Variants in GRIN2C observed in about 807,000 individuals in gnomAD.
GRIN2C encodes glutamate receptor ionotropic, NMDA 2C.
A neutral mutation model predicts 77.7 loss-of-function variants in GRIN2C; 64 were observed. That is an observed-to-expected ratio of 0.82 (90% CI 0.67 to 1.01). The LOEUF (loss-of-function observed/expected upper bound fraction) is 1.01, where lower values mean the gene tolerates loss of function less well. GRIN2C is among the 50% of genes least tolerant of loss of function. The pLI, the probability that GRIN2C is intolerant of heterozygous loss-of-function variation, is 0.00. For synonymous variants in GRIN2C, 792 were observed against 643.4 expected, an observed-to-expected ratio of 1.23 and a Z score of -3.49; for missense variants, 1,549 against 1,486.0, an observed-to-expected ratio of 1.04 and a Z score of -0.70.
intron 2 of GRIN2C, 53 bp downstream of exon 2, chr17:74,854,641 C>G (rs1391403564): frequency 2.0e-6 from 3 of 1,517,796 alleles, no homozygotes; most frequent in East Asian, 4.6e-5. Context: ...CACCCCCGAC[C>G]CCAGCCTGGT....
At chr17:74,860,304 G>A (rs533721986), upstream of GRIN2C, 186 of 391,818 alleles carry the variant, frequency 4.7e-4, 1 homozygote, top group South Asian at 3.1e-3. Context: ...CCTGTGGCCC[G>A]GGGTCAGGGA....
chr17:74,843,690 T>A, intron 12 of GRIN2C, 137 bp from the exon 13 acceptor site: 1 of 1,187,172 alleles, frequency 8.4e-7, no homozygotes, highest in South Asian at 1.5e-5. Flanking sequence ...GCATCTCCCA[T>A]GCGCCAGGCA....
chr17:74,842,888 G>C lies in GRIN2C; in HGVS notation c.3249C>G (p.Pro1083=), dbSNP rs2037335616. 2 of 571,544 alleles carry C rather than the reference G, an allele frequency of 3.5e-6. No homozygotes were observed. The highest frequency in any genetic ancestry group is 6.1e-6 in the Non-Finnish European group (2 of 327,324). 35.4% of individuals were successfully genotyped at this position (571,544 alleles called of 1,614,324 possible). ...GAGCGAAGGCCTCGGCCACGGAGCT[G>C]GGCAGGGAAGCGTGACGCGGGCGCG... The part of the protein sequence containing the change: ...RGSRPRHASL[P]SSVAEAFARP... The change falls in exon 13 of 13, where the codon CCC becomes CCG. Residue 1083 remains proline (P), a synonymous_variant. Transcript: ENST00000293190.
chr17:74,849,968 G>A lies in GRIN2C; in HGVS notation c.1492-35C>T. 1 of 1,596,592 alleles carries A rather than the reference G, an allele frequency of 6.3e-7. No individual in the cohort carries two copies. Among genetic ancestry groups the A allele is most frequent in the Non-Finnish European group, 8.5e-7 (1 of 1,172,832 alleles). ...GGACGCCACGGAGGTTTGAAAAAGG[G>A]GCTCCCGTGGGGTGGACACGCTGCA... On this transcript the variant is annotated intron_variant, in intron 6 of 12. Coordinates refer to ENST00000293190, the MANE Select transcript of GRIN2C (RefSeq NM_000835.6). This position sits in a 1 kb window ranked among gnomAD's most constrained non-coding sequence, Gnocchi z 4.6.
At position 74,844,168 on chromosome 17, in the gene GRIN2C, G is replaced by A. The variant is rs531227737; in HGVS notation, c.2583+108C>T. 1.3e-4 allele frequency: 193 copies of A among 1,512,930 alleles called. 1 individual carries two copies. Among genetic ancestry groups the A allele is most frequent in the South Asian group, 5.4e-4 (41 of 76,344 alleles). The allele number at this position is 1,512,930 out of a possible 1,614,324, so 93.7% of individuals were successfully genotyped here. A position where few individuals can be genotyped will look rare whatever the true frequency, so the allele number is the denominator to read the frequency against. On this transcript the variant is annotated intron_variant, in intron 12 of 12. Transcript: ENST00000293190. ...AGATTACAGGTGTGAGCCATGAGCCGGGCCAGAACCTTGGTTTTACCTCTG... is the reference window on the plus strand; with the variant it reads ...AGATTACAGGTGTGAGCCATGAGCCAGGCCAGAACCTTGGTTTTACCTCTG...
At chr17:74,855,957 C>T (rs1251096139) in intron 1 of GRIN2C, among the ~76,000 whole-genome samples, 3 of 152,238 alleles carry the variant, frequency 2.0e-5, no homozygotes, top group East Asian at 3.8e-4. Flanking sequence ...TCAGGGGTAC[C>T]GGAAAACCCA....
chr17:74,852,240 C>G lies in GRIN2C; in HGVS notation c.771G>C (p.Leu257=). ...GGGGCGCATCGGTGCTGCCCAGCGC[C>G]AGGTTGGGCACCAGCCACACGTGGC... is the stretch of plus-strand genomic sequence containing the variant. ...GPGHVWLVPN[L]ALGSTDAPPA... is the part of the protein sequence containing the mutation. The change falls in exon 3 of 13, where the codon CTG becomes CTC. Residue 257 remains leucine (L), a synonymous_variant. Coordinates refer to ENST00000293190, the MANE Select transcript of GRIN2C (RefSeq NM_000835.6). 1 of 1,406,182 alleles carries G rather than the reference C, an allele frequency of 7.1e-7. No individual in the cohort carries two copies. The highest frequency in any genetic ancestry group is 9.2e-7 in the Non-Finnish European group (1 of 1,084,442). 87.1% of individuals were successfully genotyped at this position (1,406,182 alleles called of 1,614,324 possible). A position where few individuals can be genotyped will look rare whatever the true frequency, so the allele number is the denominator to read the frequency against.
intron 12 of GRIN2C, among the ~76,000 whole-genome samples, chr17:74,843,874 CT>C (rs60038024): frequency 3.1e-3 from 435 of 139,604 alleles, no homozygotes; most frequent in Admixed American, 4.6e-3. Flanking sequence ...AGGACGTTGG[CT>C]TTTTTTTTTT....
At chr17:74,857,281 T>A (rs2037843520) in intron 1 of GRIN2C, among the ~76,000 whole-genome samples, 1 of 152,148 alleles carries the variant, frequency 6.6e-6, no homozygotes. Flanking sequence ...GGGTTCTCAT[T>A]CCCAAGAGAG....
Position 74,842,464 on chromosome 17 carries a change from G to C in GRIN2C, c.3673C>G (p.Arg1225Gly), listed in dbSNP as rs200343256. ...QGFPGPCTWRRISSLESEV is the reference protein window; with the variant it reads ...QGFPGPCTWRGISSLESEV Reference sequence around the variant, plus strand: ...ACTTCTGACTCCAGACTGGAGATCCGTCTCCAGGTGCAGGGTCCCGGGAAG... The same window carrying C: ...ACTTCTGACTCCAGACTGGAGATCCCTCTCCAGGTGCAGGGTCCCGGGAAG... Residue 1225 changes from arginine (R) to glycine (G), a missense_variant, in exon 13 of 13, where the codon CGG becomes GGG. Coordinates refer to ENST00000293190, the MANE Select transcript of GRIN2C (RefSeq NM_000835.6). The C allele has an allele frequency of 4.9e-5, 38 of 776,388 alleles. No homozygotes were observed. Among genetic ancestry groups the C allele is most frequent in the Non-Finnish European group, 7.9e-5 (33 of 416,846 alleles). 48.1% of individuals were successfully genotyped at this position (776,388 alleles called of 1,614,324 possible).
rs3826315 is a variant in GRIN2C, at chr17:74,847,700, C to G, written c.1771+152G>C. ...GTGAAGTGAGCTCACGTGTGTGTTT[C>G]TGTGTGTGTGTGTCATCTGACTGGC... On this transcript the variant is annotated intron_variant, in intron 8 of 12. Coordinates refer to ENST00000293190, the MANE Select transcript of GRIN2C (RefSeq NM_000835.6). The surrounding 1 kb of genome is among the most constrained non-coding windows in gnomAD (Gnocchi z 5.2). 0.29 allele frequency: 244,784 copies of G among 851,112 alleles called. 36,705 individuals are homozygous for G. Among genetic ancestry groups the G allele is most frequent in the East Asian group, 0.43 (16,175 of 37,744 alleles). The allele number at this position is 851,112 out of a possible 1,614,324, so 52.7% of individuals were successfully genotyped here. A position where few individuals can be genotyped will look rare whatever the true frequency, so the allele number is the denominator to read the frequency against.
chr17:74,848,538 A>T (rs1056320756), intron 7 of GRIN2C, among the ~76,000 whole-genome samples: 3 of 151,982 alleles, frequency 2.0e-5, no homozygotes, highest in African/African-American at 7.3e-5. Context: ...TGTCTCTACT[A>T]AAAATACAAA....
intron 11 of GRIN2C, 101 bp from the exon 12 acceptor site, chr17:74,844,609 AG>A: frequency 6.7e-7 from 1 of 1,496,794 alleles, no homozygotes; most frequent in South Asian, 1.3e-5. Flanking sequence ...GATCTGGGGC[AG>A]GGTGCCACCC....
At chr17:74,854,368 G>A (rs981060752) in intron 2 of GRIN2C, 6 of 273,958 alleles carry the variant, frequency 2.2e-5, no homozygotes, top group Admixed American at 1.6e-4. Flanking sequence ...CTCCATGCCC[G>A]GCTGGCCCTC....
chr17:74,851,961 C>T (rs2037658734), intron 3 of GRIN2C, 52 bp downstream of exon 3: 2 of 1,373,818 alleles, frequency 1.5e-6, no homozygotes, highest in Admixed American at 2.5e-5. Flanking sequence ...CCAGCCAGCT[C>T]CCCCGAAGCG....
Position 74,843,173 on chromosome 17 carries a change from CAG to C in GRIN2C, c.2962_2963del (p.Leu988ValfsTer290), listed in dbSNP as rs2037349011. The C allele has an allele frequency of 4.9e-6, 2 of 409,730 alleles. No homozygotes were observed. Among genetic ancestry groups the C allele is most frequent in the East Asian group, 3.6e-5 (1 of 27,462 alleles). The allele number at this position is 409,730 out of a possible 1,614,324, so 25.4% of individuals were successfully genotyped here. A position where few individuals can be genotyped will look rare whatever the true frequency, so the allele number is the denominator to read the frequency against. ...GGCGCGACACTCGGGAGACGTCGGACAGGGGCGGCCCCGGCGTCGGGGGGCGG... is the reference window on the plus strand; with the variant it reads ...GGCGCGACACTCGGGAGACGTCGGACGGGCGGCCCCGGCGTCGGGGGGCGG... ...PGRPPTPGPP[L>X]SDVSRVSRRP... is the part of the protein sequence containing the mutation. On this transcript the variant is annotated frameshift_variant, in exon 13 of 13. Transcript: ENST00000293190. LOFTEE classifies it low-confidence loss of function (END_TRUNC).
chr17:74,855,143 C>T, intron 1 of GRIN2C, 36 bp from the exon 2 acceptor site: 4 of 1,498,904 alleles, frequency 2.7e-6, no homozygotes, highest in Non-Finnish European at 3.6e-6. Flanking sequence ...GGGAGAGAGA[C>T]AGAGGTTTGG....
In GRIN2C at chr17:74,846,596, C is replaced by T. The variant is rs2144559991; in HGVS notation, c.2162+164G>A. ...GCTGTGTTCTGAGACACATGGTGGC[C>T]TTCCATTTTTGCCTCAAGCTCCACT... On this transcript the variant is annotated intron_variant, in intron 10 of 12. Coordinates refer to ENST00000293190, the MANE Select transcript of GRIN2C (RefSeq NM_000835.6). The surrounding 1 kb of genome is among the most constrained non-coding windows in gnomAD (Gnocchi z 4.4). Among the ~76,000 whole-genome samples, 1 of 152,344 alleles carries T rather than the reference C, an allele frequency of 6.6e-6. No individual in the cohort carries two copies. Among genetic ancestry groups the T allele is most frequent in the East Asian group, 1.9e-4 (1 of 5,186 alleles).
Position 74,852,215 on chromosome 17 carries a change from G to C in GRIN2C, c.796C>G (p.Pro266Ala), listed in dbSNP as rs1415321160. 1.4e-6 allele frequency: 2 copies of C among 1,445,800 alleles called. No homozygotes were observed. Among genetic ancestry groups the C allele is most frequent in the Non-Finnish European group, 9.1e-7 (1 of 1,101,906 alleles). The allele number at this position is 1,445,800 out of a possible 1,614,324, so 89.6% of individuals were successfully genotyped here. ...ATGAGGCCCACGGGGAAGGTGGCGG[G>C]GGGCGCATCGGTGCTGCCCAGCGCC... ...NLALGSTDAP[P>A]ATFPVGLISV... The change falls in exon 3 of 13, where the codon CCC (proline) becomes GCC (alanine). Residue 266 changes from proline (P) to alanine (A), a missense_variant. Coordinates refer to ENST00000293190, the MANE Select transcript of GRIN2C (RefSeq NM_000835.6).
Sources: allele counts gnomAD v4.1 joint callset (sites outside exome capture counted in the v4.1 genomes callset), GRCh38; gene constraint gnomAD v4.1.1; non-coding constraint Gnocchi (gnomAD v3.1); transcripts MANE v1.5; gene names NCBI Gene and HGNC (gene_info 2026-07-23, HGNC 2026-07-21).